TMEM106B: variants seen among roughly 807,000 people sequenced by gnomAD.
The protein encoded by TMEM106B is transmembrane protein 106B.
TMEM106B carries 15 observed loss-of-function variants against 31.1 expected under a neutral mutation model. The ratio of observed to expected loss-of-function variants is 0.48; its 90% CI spans 0.32 to 0.74. The LOEUF is 0.74. Ranked by LOEUF, TMEM106B falls within the 30% of genes least tolerant of loss-of-function variation. The pLI, the probability that TMEM106B is intolerant of heterozygous loss-of-function variation, is 0.03. For missense variants in TMEM106B, 283 were observed against 327.3 expected (o/e 0.86, Z 1.04); for synonymous variants, 126 against 112.5 (o/e 1.12, Z -0.76).
chr7:12,227,786 A>G (rs1416920073), intron 4 of TMEM106B, among the ~76,000 whole-genome samples: 4 of 151,752 alleles, frequency 2.6e-5, no homozygotes, highest in African/African-American at 9.7e-5. Context: ...GATTCTCACT[A>G]CTCTGAGCAA....
Position 12,224,217 on chromosome 7 carries a change from C to G in TMEM106B, c.282-9C>G. On this transcript the variant is annotated splice_polypyrimidine_tract_variant and intron_variant, in intron 3 of 7. Transcript: ENST00000396668. ...CACATGTACTTAAATACCCTCTTTT[C>G]CTTTTCAGAAAGCTGTATGTGATGG... 6.2e-7 allele frequency: 1 copy of G among 1,608,236 alleles called. No homozygotes were observed. Among genetic ancestry groups the G allele is most frequent in the Non-Finnish European group, 8.5e-7 (1 of 1,176,164 alleles).
At chr7:12,220,570 C>G (rs901450810) in intron 3 of TMEM106B, among the ~76,000 whole-genome samples, 6 of 152,192 alleles carry the variant, frequency 3.9e-5, no homozygotes, top group African/African-American at 1.4e-4. Flanking sequence ...TAAAGCTACA[C>G]TTAGATGCCA....
At chr7:12,222,152 C>T (rs1346583307) in intron 3 of TMEM106B, among the ~76,000 whole-genome samples, 2 of 152,136 alleles carry the variant, frequency 1.3e-5, no homozygotes, top group African/African-American at 4.8e-5. Context: ...TTAAATACTG[C>T]AGGTAGGAAA....
chr7:12,219,684 T>C (rs1203568124), intron 3 of TMEM106B, among the ~76,000 whole-genome samples: 1 of 152,002 alleles, frequency 6.6e-6, no homozygotes, highest in African/African-American at 2.4e-5. Context: ...TGGAAAGAAT[T>C]AGAAGAAAAA....
At chr7:12,231,736 T>G in intron 7 of TMEM106B, 101 bp from the exon 8 acceptor site, 1 of 935,590 alleles carries the variant, frequency 1.1e-6, no homozygotes, top group Non-Finnish European at 1.6e-6. Context: ...TAATCAAATA[T>G]TCTCTTCTGG....
At position 12,232,985 on chromosome 7, in the gene TMEM106B, G is replaced by GT. The variant is rs1717457383; in HGVS notation, c.*1014dup. The GT allele has an allele frequency of 6.6e-6, 1 of 151,660 alleles. No individual in the cohort carries two copies. The highest frequency in any genetic ancestry group is 1.5e-5 in the Non-Finnish European group (1 of 67,708). 9.4% of individuals were successfully genotyped at this position (151,660 alleles called of 1,614,324 possible). Reference sequence around the variant, plus strand: ...GTACCCAGTTATCAATTTTATCAATGTTTTAGAGGAGGAAATTATTTTTTT... The same window carrying GT: ...GTACCCAGTTATCAATTTTATCAATGTTTTTAGAGGAGGAAATTATTTTTTT... On this transcript the variant is annotated 3_prime_UTR_variant, in exon 8 of 8. Coordinates refer to ENST00000396668, the MANE Select transcript of TMEM106B (RefSeq NM_001134232.2).
chr7:12,213,223 T>C (rs1781615208), intron 1 of TMEM106B, among the ~76,000 whole-genome samples: 1 of 152,226 alleles, frequency 6.6e-6, no homozygotes, highest in Admixed American at 6.5e-5. Flanking sequence ...ATTTTGCTGC[T>C]TTGTATTGGT....
chr7:12,212,024 G>A (rs1251046985), intron 1 of TMEM106B, among the ~76,000 whole-genome samples: 1 of 152,144 alleles, frequency 6.6e-6, no homozygotes, highest in African/African-American at 2.4e-5. Flanking sequence ...AGTCTCCCAA[G>A]AATAAAAGTG....
rs1781657417 is a variant in TMEM106B at position 12,214,924 on chromosome 7, A to G, written c.114A>G (p.Glu38=). The G allele has an allele frequency of 1.2e-6, 2 of 1,614,112 alleles. No individual in the cohort carries two copies. The highest frequency in any genetic ancestry group is 1.7e-6 in the Non-Finnish European group (2 of 1,179,968). The part of the protein sequence containing the change: ...NGLVNSEVHN[E]DGRNGDVSQF... ...TGGTTAATAGTGAAGTCCATAATGA[A>G]GATGGAAGAAATGGAGATGTCTCTC... The change falls in exon 2 of 8, where the codon GAA becomes GAG. Residue 38 remains glutamate (E), a synonymous_variant. Coordinates refer to ENST00000396668, the MANE Select transcript of TMEM106B (RefSeq NM_001134232.2).
intron 4 of TMEM106B, among the ~76,000 whole-genome samples, chr7:12,228,638 C>G (rs1781952687): frequency 6.6e-6 from 1 of 151,740 alleles, no homozygotes; most frequent in South Asian, 2.1e-4. Flanking sequence ...AGTAGGATTG[C>G]CCGATCAAAG....
intron 5 of TMEM106B, 47 bp downstream of exon 5, chr7:12,229,866 G>A: frequency 6.5e-7 from 1 of 1,544,580 alleles, no homozygotes. Flanking sequence ...ATGAATGTCA[G>A]CTTTGTATAT....
chr7:12,215,838 ATTGT>A (rs908487118), intron 2 of TMEM106B: 15 of 171,922 alleles, frequency 8.7e-5, no homozygotes, highest in African/African-American at 3.4e-4. Context: ...AAAAAAAAAA[ATTGT>A]TTGTGATATA....
rs573300434 is a variant in TMEM106B at position 12,219,494 on chromosome 7, T to TG, written c.281+974dup. Among the ~76,000 whole-genome samples the TG allele has an allele frequency of 1.4e-4, 21 of 152,258 alleles. No homozygotes were observed. In the South Asian group the frequency reaches 4.3e-3, roughly 32 times the overall value. ...TATACAAATATACTTTTTAAGAAGT[T>TG]GAAGAAAGTAAGCTAAGCAAAATAC... On this transcript the variant is annotated intron_variant, in intron 3 of 7. Transcript: ENST00000396668.
chr7:12,224,122 T>G, intron 3 of TMEM106B, 104 bp from the exon 4 acceptor site: 1 of 1,044,094 alleles, frequency 9.6e-7, no homozygotes, highest in Non-Finnish European at 1.4e-6. Context: ...GCATCTTATA[T>G]ATGTTGCTGC....
Position 12,239,489 on chromosome 7 carries a change from C to A in TMEM106B, c.*7514C>A, listed in dbSNP as rs899009076. On this transcript the variant is annotated 3_prime_UTR_variant, in exon 8 of 8. Coordinates refer to ENST00000396668, the MANE Select transcript of TMEM106B (RefSeq NM_001134232.2). The stretch of plus-strand genomic sequence containing the variant: ...CCTTCAAGAACTTTTCCTTTGCCTT[C>A]ACAACTTGTGCAAGAGACCTAGCTT... The A allele has an allele frequency of 6.6e-6, 1 of 152,162 alleles. No homozygotes were observed. The highest frequency in any genetic ancestry group is 6.6e-5 in the Admixed American group (1 of 15,266). The allele number at this position is 152,162 out of a possible 1,614,324, so 9.4% of individuals were successfully genotyped here.
In TMEM106B at chr7:12,236,888, G is replaced by A. The variant is rs1562712762; in HGVS notation, c.*4913G>A. On this transcript the variant is annotated 3_prime_UTR_variant, in exon 8 of 8. Coordinates refer to ENST00000396668, the MANE Select transcript of TMEM106B (RefSeq NM_001134232.2). The stretch of plus-strand genomic sequence containing the variant: ...TAAACTATAACAGATTTTGGAAAAT[G>A]ATTTGACGTGCTTGCTCACTTGATT... 3 of 152,160 alleles carry A rather than the reference G, an allele frequency of 2.0e-5. No homozygotes were observed. Among genetic ancestry groups the A allele is most frequent in the Admixed American group, 2.0e-4 (3 of 15,262 alleles). The allele number at this position is 152,160 out of a possible 1,614,324, so 9.4% of individuals were successfully genotyped here. A position where few individuals can be genotyped will look rare whatever the true frequency, so the allele number is the denominator to read the frequency against.
At position 12,224,406 on chromosome 7, in the gene TMEM106B, A is replaced by C. The variant is rs117989722; in HGVS notation, c.441+21A>C. 13,876 of 1,581,452 alleles carry C rather than the reference A, an allele frequency of 8.8e-3. 89 individuals are homozygous for C. The highest frequency in any genetic ancestry group is 0.021 in the Admixed American group (1,219 of 59,180). On this transcript the variant is annotated intron_variant, in intron 4 of 7. Coordinates refer to ENST00000396668, the MANE Select transcript of TMEM106B (RefSeq NM_001134232.2). Reference sequence around the variant, plus strand: ...TCACAGTGAGTATAAATTTATATGAAAAATGTTTAACTTCATTCTTTTATC... The same window carrying C: ...TCACAGTGAGTATAAATTTATATGACAAATGTTTAACTTCATTCTTTTATC...
chr7:12,222,501 C>T (rs904407280), intron 3 of TMEM106B, among the ~76,000 whole-genome samples: 24 of 152,282 alleles, frequency 1.6e-4, no homozygotes, highest in Admixed American at 1.6e-3. Context: ...ATGATGGATT[C>T]ACCCGCCCAT....
At chr7:12,227,100 A>T (rs1016700658) in intron 4 of TMEM106B, among the ~76,000 whole-genome samples, 1 of 152,126 alleles carries the variant, frequency 6.6e-6, no homozygotes, top group Non-Finnish European at 1.5e-5. Context: ...AGAAATTCTC[A>T]CATTTTGGAA....
Sources: gnomAD v4.1 joint callset for allele counts (sites outside exome capture counted in the v4.1 genomes callset) on GRCh38, gnomAD v4.1.1 for gene constraint, MANE v1.5 for transcripts, NCBI Gene and HGNC (gene_info 2026-07-23, HGNC 2026-07-21) for gene names.